Variants in HS6ST1 observed in about 807,000 individuals in gnomAD.
The protein encoded by HS6ST1 is heparan-sulfate 6-O-sulfotransferase 1.
Under a neutral mutation model 25.2 loss-of-function variants are expected in HS6ST1, and 3 were observed. The observed-to-expected ratio is 0.12, with a 90% CI of 0.05 to 0.31. The LOEUF is 0.31. Among genes scored for constraint, HS6ST1 ranks in the 10% least tolerant of loss-of-function variants. HS6ST1 has a pLI of 1.00. For missense variants in HS6ST1, 310 were observed against 609.6 expected, an observed-to-expected ratio of 0.51 and a Z score of 5.18; for synonymous variants, 204 against 275.1, an observed-to-expected ratio of 0.74 and a Z score of 2.56.
chr2:128,296,755 C>T (rs1694044322), intron 1 of HS6ST1, among the ~76,000 whole-genome samples: 1 of 152,180 alleles, frequency 6.6e-6, no homozygotes, highest in African/African-American at 2.4e-5. Flanking sequence ...TGTCCATGAA[C>T]TGAAAGACCT....
intron 1 of HS6ST1, among the ~76,000 whole-genome samples, chr2:128,284,895 C>G (rs577628490): frequency 1.3e-4 from 20 of 152,324 alleles, no homozygotes; most frequent in Middle Eastern, 3.4e-3. Context: ...CCCCACCCCC[C>G]ACCTGGTGGT....
intron 1 of HS6ST1, among the ~76,000 whole-genome samples, chr2:128,275,444 C>CT (rs1693679041): frequency 6.6e-6 from 1 of 152,122 alleles, no homozygotes; most frequent in Non-Finnish European, 1.5e-5. Context: ...CGGAAGTATA[C>CT]TGAGAAAGCC....
chr2:128,275,703 G>GC (rs1418337668), intron 1 of HS6ST1, among the ~76,000 whole-genome samples: 2 of 152,246 alleles, frequency 1.3e-5, no homozygotes, highest in African/African-American at 2.4e-5. Context: ...CCGGGCAGCA[G>GC]CAAGAGTAGG....
rs892175878 is a variant in HS6ST1 at position 128,286,391 on chromosome 2, G to A, written c.528-17521C>T. ...GCGCCAGGGAGGGGTGGGTCAGGGG[G>A]CCTCATCAGACTGCAGGTCAGGAGC... On this transcript the variant is annotated intron_variant, in intron 1 of 1. Transcript: ENST00000259241. 2.0e-5 allele frequency among the ~76,000 whole-genome samples: 3 copies of A among 152,268 alleles called. No homozygotes were observed. In the East Asian group the frequency reaches 5.8e-4, roughly 30 times the overall value.
intron 1 of HS6ST1, among the ~76,000 whole-genome samples, chr2:128,309,122 C>G (rs1214893765): frequency 6.6e-6 from 1 of 152,206 alleles, no homozygotes. Flanking sequence ...CTGCTGACAC[C>G]CCTGGTATGG....
At chr2:128,315,967 C>T (rs1460744164) in intron 1 of HS6ST1, among the ~76,000 whole-genome samples, 5 of 152,220 alleles carry the variant, frequency 3.3e-5, no homozygotes, top group Admixed American at 6.5e-5. Context: ...GGCCTCCTGA[C>T]GGCCCTGGAA....
Position 128,284,505 on chromosome 2 carries a change from T to TTTTTTTTTTTC in HS6ST1, c.528-15636_528-15635insGAAAAAAAAAA, listed in dbSNP as rs1553456289. 5.5e-3 allele frequency among the ~76,000 whole-genome samples: 755 copies of TTTTTTTTTTTC among 138,238 alleles called. 9 individuals are homozygous for TTTTTTTTTTTC. The highest frequency in any genetic ancestry group is 0.019 in the African/African-American group (704 of 37,200). 90.7% of individuals were successfully genotyped at this position (138,238 alleles called of 152,430 possible). A position where few individuals can be genotyped will look rare whatever the true frequency, so the allele number is the denominator to read the frequency against. ...TACTGTGGAGGTGACATCGTCCCTC[T>TTTTTTTTTTTC]TTTTTTTTTTTTTTGAGACGGAGTC... On this transcript the variant is annotated intron_variant, in intron 1 of 1. Coordinates refer to ENST00000259241, the MANE Select transcript of HS6ST1 (RefSeq NM_004807.3).
At chr2:128,303,601 G>T (rs545328084) in intron 1 of HS6ST1, among the ~76,000 whole-genome samples, 2 of 152,372 alleles carry the variant, frequency 1.3e-5, no homozygotes, top group African/African-American at 2.4e-5. Flanking sequence ...GGCCAACCCC[G>T]TCAAGTGGGC....
At chr2:128,292,833 C>T (rs141421318) in intron 1 of HS6ST1, among the ~76,000 whole-genome samples, 1,945 of 152,020 alleles carry the variant, frequency 0.013, 25 homozygotes, top group Non-Finnish European at 0.016. Context: ...TATCAGCTGA[C>T]GGGCTCCTGC....
intron 1 of HS6ST1, among the ~76,000 whole-genome samples, chr2:128,304,174 T>C (rs140570175): frequency 5.3e-5 from 8 of 152,312 alleles, no homozygotes; most frequent in Non-Finnish European, 1.2e-4. Context: ...TCTCCCTAAT[T>C]GCATAAGCCT....
chr2:128,300,663 C>T (rs1694111210), intron 1 of HS6ST1, among the ~76,000 whole-genome samples: 1 of 152,198 alleles, frequency 6.6e-6, no homozygotes, highest in Non-Finnish European at 1.5e-5. Context: ...GGCGGACCAC[C>T]TTGAGTTACG....
At chr2:128,310,928 C>G (rs141620127) in intron 1 of HS6ST1, among the ~76,000 whole-genome samples, 325 of 152,288 alleles carry the variant, frequency 2.1e-3, no homozygotes, top group Non-Finnish European at 3.5e-3. Flanking sequence ...CACTGCCCCC[C>G]CTTGCTGTGA....
chr2:128,290,541 G>A (rs1415411378), intron 1 of HS6ST1, among the ~76,000 whole-genome samples: 1 of 152,152 alleles, frequency 6.6e-6, no homozygotes, highest in Non-Finnish European at 1.5e-5. Context: ...CCCCAGGTAT[G>A]CAAGGATGGC....
At chr2:128,317,900 G>A (rs1694398262) in intron 1 of HS6ST1, 137 bp downstream of exon 1, 6 of 1,055,092 alleles carry the variant, frequency 5.7e-6, no homozygotes, top group Non-Finnish European at 7.5e-6. Flanking sequence ...CAGGTCGGGA[G>A]GGGTGCCGGC....
At chr2:128,290,680 C>A (rs1266307913) in intron 1 of HS6ST1, among the ~76,000 whole-genome samples, 1 of 152,004 alleles carries the variant, frequency 6.6e-6, no homozygotes, top group East Asian at 1.9e-4. Flanking sequence ...GAATAGAAGT[C>A]CCTTAATTTG....
At chr2:128,281,026 G>A (rs1693777481) in intron 1 of HS6ST1, among the ~76,000 whole-genome samples, 2 of 152,260 alleles carry the variant, frequency 1.3e-5, no homozygotes, top group African/African-American at 4.8e-5. Context: ...ACACCAGAGA[G>A]GCCAAGGCTA....
chr2:128,312,639 G>T (rs1694308694), intron 1 of HS6ST1, among the ~76,000 whole-genome samples: 1 of 152,174 alleles, frequency 6.6e-6, no homozygotes, highest in African/African-American at 2.4e-5. Context: ...GTGGGTGACT[G>T]GGCATGGCTG....
chr2:128,285,573 C>G (rs1558872853), intron 1 of HS6ST1, among the ~76,000 whole-genome samples: 1 of 145,752 alleles, frequency 6.9e-6, no homozygotes, highest in African/African-American at 2.6e-5. Flanking sequence ...GTTCTAGGAC[C>G]AGGGGAAGCC....
intron 1 of HS6ST1, among the ~76,000 whole-genome samples, chr2:128,303,964 G>C (rs1363375508): frequency 6.6e-6 from 1 of 152,210 alleles, no homozygotes; most frequent in Non-Finnish European, 1.5e-5. Context: ...GTGGAGGAAG[G>C]GTGAATCTCC....
Sources: gnomAD v4.1 joint callset for allele counts (sites outside exome capture counted in the v4.1 genomes callset) on GRCh38, gnomAD v4.1.1 for gene constraint, MANE v1.5 for transcripts, NCBI Gene and HGNC (gene_info 2026-07-23, HGNC 2026-07-21) for gene names.